The following DST variants were observed in gnomAD, a reference collection of about 807,000 sequenced individuals.
DST encodes bullous pemphigoid antigen.
A neutral mutation model predicts 875.2 loss-of-function variants in DST; 253 were observed. The observed-to-expected ratio is 0.29, with a 90% CI of 0.26 to 0.32. The LOEUF (loss-of-function observed/expected upper bound fraction) is 0.32, where lower values mean the gene tolerates loss of function less well. Among genes scored for constraint, DST ranks in the 10% least tolerant of loss-of-function variants. DST has a pLI of 1.00. For synonymous variants in DST, 3,124 were observed against 3,197.1 expected (o/e 0.98, Z 0.77); for missense variants, 8,287 against 9,111.6 (o/e 0.91, Z 3.68).
intron 4 of DST, among the ~76,000 whole-genome samples, chr6:56,803,590 TA>T (rs1297057811): frequency 6.6e-6 from 1 of 152,134 alleles, no homozygotes; most frequent in Non-Finnish European, 1.5e-5. Flanking sequence ...TCCCTTTCAA[TA>T]AAAAAGATAT....
At chr6:56,503,606 C>CACAA (rs2096212655) in intron 78 of DST, among the ~76,000 whole-genome samples, 1 of 151,176 alleles carries the variant, frequency 6.6e-6, no homozygotes, top group African/African-American at 2.4e-5. Context: ...CACACACACA[C>CACAA]ACACACACAC....
At chr6:56,756,323 T>G (rs144870150) in intron 4 of DST, among the ~76,000 whole-genome samples, 2 of 151,990 alleles carry the variant, frequency 1.3e-5, no homozygotes, top group Non-Finnish European at 2.9e-5. Flanking sequence ...GAAGATCACA[T>G]GGGCCAGGAA....
At chr6:56,772,159 G>T (rs551312721) in intron 4 of DST, among the ~76,000 whole-genome samples, 14 of 152,064 alleles carry the variant, frequency 9.2e-5, no homozygotes, top group Non-Finnish European at 1.8e-4. Context: ...TTTAAAATAG[G>T]TATATTTTTA....
At chr6:56,582,765 G>T (rs1468134509) in intron 49 of DST, among the ~76,000 whole-genome samples, 7 of 151,774 alleles carry the variant, frequency 4.6e-5, no homozygotes, top group Admixed American at 2.6e-4. Flanking sequence ...CCCACAACAG[G>T]CCCCAGAGTG....
chr6:56,609,726 G>A (rs1042102842), intron 39 of DST, among the ~76,000 whole-genome samples: 1 of 152,136 alleles, frequency 6.6e-6, no homozygotes, highest in Non-Finnish European at 1.5e-5. Flanking sequence ...TGGCAGGAAA[G>A]AGAGTATCAA....
chr6:56,490,590 A>T (rs1471491293), intron 85 of DST, among the ~76,000 whole-genome samples: 1 of 152,148 alleles, frequency 6.6e-6, no homozygotes, highest in African/African-American at 2.4e-5. Context: ...CCCTCTCACA[A>T]CTTTAATCAA....
intron 58 of DST, among the ~76,000 whole-genome samples, 182 bp from the exon 59 acceptor site, chr6:56,557,700 T>A (rs1266372188): frequency 6.6e-6 from 1 of 152,154 alleles, no homozygotes; most frequent in Non-Finnish European, 1.5e-5. Flanking sequence ...TGGTTGTATG[T>A]CAACTAAAGT....
At chr6:56,871,350 C>G in intron 3 of DST, 1 of 1,055,694 alleles carries the variant, frequency 9.5e-7, no homozygotes, top group Non-Finnish European at 1.5e-6. Context: ...TGTCACTTTA[C>G]AGAAACAGTG....
At position 56,777,395 on chromosome 6, in the gene DST, G is replaced by T. The variant is rs892869036; in HGVS notation, c.626-42106C>A. Among the ~76,000 whole-genome samples the T allele has an allele frequency of 2.0e-5, 3 of 152,032 alleles. No homozygotes were observed. The South Asian group carries it at 6.2e-4, about 32-fold the overall frequency. ...TATTACTTACTACAGGCAAGTAGAT[G>T]GTTTCCAAACACTAAGTCCCATAAT... On this transcript the variant is annotated intron_variant, in intron 4 of 103. Transcript: ENST00000680361.
At chr6:56,525,255 T>C (rs961727422) in intron 69 of DST, among the ~76,000 whole-genome samples, 4 of 152,210 alleles carry the variant, frequency 2.6e-5, no homozygotes, top group African/African-American at 9.6e-5. Flanking sequence ...TATTTTTCAA[T>C]AGTTAAATAA....
chr6:56,468,065 A>T (rs2094675895), intron 98 of DST, among the ~76,000 whole-genome samples: 6 of 152,174 alleles, frequency 3.9e-5, no homozygotes, highest in Admixed American at 3.3e-4. Context: ...GATAATTTGA[A>T]GCTTGAGATG....
chr6:56,879,932 C>T (rs1781294487), intron 3 of DST, among the ~76,000 whole-genome samples: 1 of 152,220 alleles, frequency 6.6e-6, no homozygotes, highest in Admixed American at 6.5e-5. Flanking sequence ...TAAGTCATAG[C>T]TCAAGCAAAA....
Position 56,604,995 on chromosome 6 carries a change from G to A in DST, c.9633C>T (p.Ala3211=), listed in dbSNP as rs2098481740. 6.2e-7 allele frequency: 1 copy of A among 1,612,642 alleles called. No individual in the cohort carries two copies. Among genetic ancestry groups the A allele is most frequent in the South Asian group, 1.1e-5 (1 of 91,046 alleles). ...ATTGTAAATGTTCTTTCATGGGAGGGGCAGTTATTAAAACATGGCTTGGGA... is the reference window on the plus strand; with the variant it reads ...ATTGTAAATGTTCTTTCATGGGAGGAGCAGTTATTAAAACATGGCTTGGGA... ...EDVPSHVLIT[A]PPMKEHLQLG... Residue 3211 remains alanine, a synonymous_variant, in exon 40 of 104, where the codon GCC becomes GCT. Transcript: ENST00000680361.
intron 4 of DST, among the ~76,000 whole-genome samples, chr6:56,783,430 T>G (rs1286102558): frequency 6.6e-6 from 1 of 152,160 alleles, no homozygotes; most frequent in Non-Finnish European, 1.5e-5. Context: ...CATATATATT[T>G]AGGATAGTTA....
rs1336298449 is a variant in DST, at chr6:56,954,424, C to G, written c.164G>C (p.Gly55Ala). The G allele has an allele frequency of 7.3e-7, 1 of 1,367,160 alleles. No individual in the cohort carries two copies. The highest frequency in any genetic ancestry group is 1.1e-5 in the South Asian group (1 of 87,952). The allele number at this position is 1,367,160 out of a possible 1,614,324, so 84.7% of individuals were successfully genotyped here. A position where few individuals can be genotyped will look rare whatever the true frequency, so the allele number is the denominator to read the frequency against. The change falls in exon 1 of 104, where the codon GGT becomes GCT. Residue 55 changes from glycine (G) to alanine (A), a missense_variant. By Grantham distance (60) the Gly-to-Ala change is moderately conservative. Transcript: ENST00000680361. Reference protein sequence around the residue: ...GRHPMKSVFSGRSRSRDAVLR... With the variant: ...GRHPMKSVFSARSRSRDAVLR... The stretch of plus-strand genomic sequence containing the variant: ...TGTCTTACCTCGGCTTCTTGAACGA[C>G]CCGAGAAGACCGATTTCATCGGATG...
intron 93 of DST, among the ~76,000 whole-genome samples, chr6:56,473,203 A>G (rs965643751): frequency 2.9e-4 from 44 of 152,324 alleles, no homozygotes; most frequent in African/African-American, 8.9e-4. Flanking sequence ...GTCTGGCTAT[A>G]GGGCTCTTAA....
chr6:56,522,285 A>C (rs1464652648), intron 69 of DST, among the ~76,000 whole-genome samples: 1 of 152,176 alleles, frequency 6.6e-6, no homozygotes, highest in Non-Finnish European at 1.5e-5. Context: ...TAACTAACTT[A>C]CCAAAGACTA....
intron 36 of DST, chr6:56,619,226 T>A: frequency 6.2e-7 from 1 of 1,613,826 alleles, no homozygotes; most frequent in African/African-American, 1.3e-5. Context: ...AGTTTGTTTC[T>A]CTAAAACTAT....
chr6:56,875,549 T>C (rs1424905325), intron 3 of DST, among the ~76,000 whole-genome samples: 8 of 152,222 alleles, frequency 5.3e-5, no homozygotes, highest in Admixed American at 1.3e-4. Flanking sequence ...TAAAGTTAAG[T>C]TCCAAGCTTC....
Sources: gnomAD v4.1 joint callset for allele counts (sites outside exome capture counted in the v4.1 genomes callset) on GRCh38, gnomAD v4.1.1 for gene constraint, MANE v1.5 for transcripts, NCBI Gene and HGNC (gene_info 2026-07-23, HGNC 2026-07-21) for gene names.